The following PSMA7 variants were observed in gnomAD, a reference collection of about 807,000 sequenced individuals.
The protein encoded by PSMA7 is proteasome subunit alpha type-7.
A neutral mutation model predicts 31.3 loss-of-function variants in PSMA7; 5 were observed. The observed-to-expected ratio is 0.16, with a 90% CI of 0.08 to 0.34. The LOEUF (loss-of-function observed/expected upper bound fraction) is 0.34, where lower values mean the gene tolerates loss of function less well. PSMA7 is among the 10% of genes least tolerant of loss of function. PSMA7 has a pLI of 1.00. For missense variants in PSMA7, 217 were observed against 327.5 expected (o/e 0.66, Z 2.60); for synonymous variants, 155 against 121.9 (o/e 1.27, Z -1.79).
rs1405546959 is a variant in PSMA7, at chr20:62,137,331, C to T, written c.654+33G>A. The T allele has an allele frequency of 2.5e-6, 4 of 1,604,102 alleles. No homozygotes were observed. The South Asian group carries it at 4.4e-5, about 18-fold the overall frequency. On this transcript the variant is annotated intron_variant, in intron 6 of 6. Transcript: ENST00000370873. ...AGCCCTGATCATGGGAGAAAACTGA[C>T]AGGTAAAGAAAGCAGACAAACTTGG...
At position 62,139,810 on chromosome 20, in the gene PSMA7, T is replaced by G; in HGVS notation, c.319A>C (p.Ile107Leu). 6.2e-7 allele frequency: 1 copy of G among 1,614,146 alleles called. No individual in the cohort carries two copies. ...TTCAGACTGGCGATGTAGCGGGTGA[T>G]GTACTCCACAGTGACCGGGTCCTCC... is the stretch of plus-strand genomic sequence containing the variant. ...TVEDPVTVEYITRYIASLKQR... is the reference protein window; with the variant it reads ...TVEDPVTVEYLTRYIASLKQR... The change falls in exon 3 of 7, where the codon ATC becomes CTC. Residue 107 changes from isoleucine to leucine, a missense_variant. Coordinates refer to ENST00000370873, the MANE Select transcript of PSMA7 (RefSeq NM_002792.4).
chr20:62,142,987 G>A (rs892879605), intron 1 of PSMA7, among the ~76,000 whole-genome samples: 2 of 150,272 alleles, frequency 1.3e-5, no homozygotes, highest in Admixed American at 1.3e-4. Context: ...CGCTGAGTGG[G>A]GAGAACGAGC....
Position 62,140,955 on chromosome 20 carries a change from G to A in PSMA7, c.97-11C>T. 1 of 1,613,904 alleles carries A rather than the reference G, an allele frequency of 6.2e-7. No individual in the cohort carries two copies. Among genetic ancestry groups the A allele is most frequent in the Non-Finnish European group, 8.5e-7 (1 of 1,179,990 alleles). Reference sequence around the variant, plus strand: ...TCCTCGAACACCAACCTTTAATTAAGATCCACAAACCACGTAAGAAAGTGA... The same window carrying A: ...TCCTCGAACACCAACCTTTAATTAAAATCCACAAACCACGTAAGAAAGTGA... On this transcript the variant is annotated splice_polypyrimidine_tract_variant and intron_variant, in intron 1 of 6. Transcript: ENST00000370873.
At chr20:62,139,746 G>A in intron 3 of PSMA7, 35 bp downstream of exon 3, 1 of 1,613,806 alleles carries the variant, frequency 6.2e-7, no homozygotes, top group Non-Finnish European at 8.5e-7. Flanking sequence ...CTGCCCTGCT[G>A]CCAGAGGTGA....
In PSMA7 at chr20:62,143,355, C is replaced by G. The variant is rs1361146183; in HGVS notation, c.-52G>C. The G allele has an allele frequency of 1.7e-6, 2 of 1,153,900 alleles. No individual in the cohort carries two copies. The highest frequency in any genetic ancestry group is 1.1e-6 in the Non-Finnish European group (1 of 897,700). 71.5% of individuals were successfully genotyped at this position (1,153,900 alleles called of 1,614,324 possible). ...CCGCCGCGACTCTCAAAAGCGCACACTCACGGCCCGCGCGCACCCGCGACT... is the reference window on the plus strand; with the variant it reads ...CCGCCGCGACTCTCAAAAGCGCACAGTCACGGCCCGCGCGCACCCGCGACT... On this transcript the variant is annotated 5_prime_UTR_variant, in exon 1 of 7. Coordinates refer to ENST00000370873, the MANE Select transcript of PSMA7 (RefSeq NM_002792.4).
At chr20:62,143,032 C>A (rs1175978077) in intron 1 of PSMA7, among the ~76,000 whole-genome samples, 176 bp downstream of exon 1, 1 of 149,786 alleles carries the variant, frequency 6.7e-6, no homozygotes, top group African/African-American at 2.4e-5. Flanking sequence ...CCTCTGCAGG[C>A]ACTCGTGGAG....
intron 3 of PSMA7, 101 bp downstream of exon 3, chr20:62,139,676 AAATC>A (rs1330246499): frequency 6.4e-7 from 1 of 1,565,030 alleles, no homozygotes; most frequent in Non-Finnish European, 8.8e-7. Flanking sequence ...GCCCCAGAAT[AAATC>A]AGTTTTCTGA....
chr20:62,138,973 T>C, intron 4 of PSMA7, 102 bp downstream of exon 4: 2 of 1,432,568 alleles, frequency 1.4e-6, no homozygotes, highest in Non-Finnish European at 1.9e-6. Flanking sequence ...TTAAACTGAC[T>C]CATTCACTGA....
At chr20:62,138,549 GATT>G (rs1416298924) in intron 4 of PSMA7, among the ~76,000 whole-genome samples, 1 of 136,878 alleles carries the variant, frequency 7.3e-6, no homozygotes, top group African/African-American at 3.2e-5. Context: ...GGCAATGGGA[GATT>G]TTTTTTTTTT....
At chr20:62,139,248 G>A (rs929783233) in intron 3 of PSMA7, 51 bp from the exon 4 acceptor site, 1 of 1,595,200 alleles carries the variant, frequency 6.3e-7, no homozygotes, top group African/African-American at 1.3e-5. Context: ...AACTGCATGT[G>A]AGGAAAGAAC....
At chr20:62,137,711 C>T (rs909102839) in intron 5 of PSMA7, among the ~76,000 whole-genome samples, 8 of 152,194 alleles carry the variant, frequency 5.3e-5, no homozygotes, top group Admixed American at 1.3e-4. Context: ...ACCAGGAATC[C>T]TGATGCCTAC....
intron 6 of PSMA7, 51 bp downstream of exon 6, chr20:62,137,313 A>C (rs1414177815): frequency 3.2e-6 from 5 of 1,574,164 alleles, no homozygotes; most frequent in Non-Finnish European, 4.4e-6. Context: ...CTCAGCCCTG[A>C]TCATGGGAGA....
Position 62,143,254 on chromosome 20 carries a change from A to C in PSMA7, c.50T>G (p.Phe17Cys). 6.8e-7 allele frequency: 1 copy of C among 1,468,908 alleles called. No individual in the cohort carries two copies. The highest frequency in any genetic ancestry group is 3.1e-5 in the East Asian group (1 of 32,270). 91.0% of individuals were successfully genotyped at this position (1,468,908 alleles called of 1,614,324 possible). A position where few individuals can be genotyped will look rare whatever the true frequency, so the allele number is the denominator to read the frequency against. Residue 17 changes from phenylalanine (F) to cysteine (C), a missense_variant, in exon 1 of 7, where the codon TTC becomes TGC. Physicochemically the swap from Phe to Cys is radical, Grantham distance 205. Around this residue, in one of 3 missense-constraint regions of PSMA7, gnomAD observed 76 missense variants for 96.5 expected, o/e 0.79. Coordinates refer to ENST00000370873, the MANE Select transcript of PSMA7 (RefSeq NM_002792.4). ...GGCCTCCTGCGCGTACTCCACTTGGAAGAGGTGGCCGTCGGGCGAGAAGAC... is the reference window on the plus strand; with the variant it reads ...GGCCTCCTGCGCGTACTCCACTTGGCAGAGGTGGCCGTCGGGCGAGAAGAC... Reference protein sequence around the residue: ...ITVFSPDGHLFQVEYAQEAVK... With the variant: ...ITVFSPDGHLCQVEYAQEAVK...
chr20:62,142,405 T>C (rs918685372), intron 1 of PSMA7: 4 of 152,306 alleles, frequency 2.6e-5, no homozygotes, highest in Non-Finnish European at 4.4e-5. Context: ...GAACCGTGTG[T>C]GCTGCTTTCT....
At chr20:62,141,952 G>C (rs2056930961) in intron 1 of PSMA7, among the ~76,000 whole-genome samples, 2 of 152,234 alleles carry the variant, frequency 1.3e-5, no homozygotes, top group African/African-American at 2.4e-5. Flanking sequence ...TCAGCACTGT[G>C]AGCACCTGGG....
chr20:62,138,303 CG>C lies in PSMA7; in HGVS notation c.472-14del. On this transcript the variant is annotated splice_polypyrimidine_tract_variant and intron_variant, in intron 4 of 6. Coordinates refer to ENST00000370873, the MANE Select transcript of PSMA7 (RefSeq NM_002792.4). ...CTATGGCATTGGCCTAAAACAGACA[CG>C]TATGTTCTCACGTGGCATAGGGCAT... 1 of 1,593,452 alleles carries C rather than the reference CG, an allele frequency of 6.3e-7. No homozygotes were observed. Among genetic ancestry groups the C allele is most frequent in the South Asian group, 1.1e-5 (1 of 87,852 alleles).
chr20:62,138,256 C>G lies in PSMA7; in HGVS notation c.506G>C (p.Arg169Pro). ...NAIGRGAKSV[R>P]EFLEKNYTDE... ...AGTATAGTTCTTCTCCAGGAACTCG[C>G]GCACTGACTTGGCACCCCGACCTAT... Residue 169 changes from arginine to proline, a missense_variant, in exon 5 of 7, where the codon CGC becomes CCC. By Grantham distance (103) the Arg-to-Pro change is moderately radical (BLOSUM62 -2). Coordinates refer to ENST00000370873, the MANE Select transcript of PSMA7 (RefSeq NM_002792.4). 1 of 1,613,246 alleles carries G rather than the reference C, an allele frequency of 6.2e-7. No homozygotes were observed. Among genetic ancestry groups the G allele is most frequent in the Non-Finnish European group, 8.5e-7 (1 of 1,179,428 alleles).
Position 62,139,829 on chromosome 20 carries a change from G to A in PSMA7, c.300C>T (p.Asp100=). 1.9e-6 allele frequency: 3 copies of A among 1,614,090 alleles called. No homozygotes were observed. Among genetic ancestry groups the A allele is most frequent in the Non-Finnish European group, 2.5e-6 (3 of 1,180,034 alleles). ...ECQSHRLTVE[D]PVTVEYITRY... is the part of the protein sequence containing the mutation. Reference sequence around the variant, plus strand: ...GGGTGATGTACTCCACAGTGACCGGGTCCTCCACAGTCAGCCGGTGGCTCT... The same window carrying A: ...GGGTGATGTACTCCACAGTGACCGGATCCTCCACAGTCAGCCGGTGGCTCT... The change falls in exon 3 of 7, where the codon GAC becomes GAT. Residue 100 remains aspartate (D), a synonymous_variant. Coordinates refer to ENST00000370873, the MANE Select transcript of PSMA7 (RefSeq NM_002792.4).
At position 62,139,860 on chromosome 20, in the gene PSMA7, T is replaced by C. The variant is rs2056916755; in HGVS notation, c.269A>G (p.Glu90Gly). 6.2e-7 allele frequency: 1 copy of C among 1,613,912 alleles called. No individual in the cohort carries two copies. Among genetic ancestry groups the C allele is most frequent in the Non-Finnish European group, 8.5e-7 (1 of 1,180,030 alleles). ...ARIVINRARVECQSHRLTVED... is the reference protein window; with the variant it reads ...ARIVINRARVGCQSHRLTVED... ...CACAGTCAGCCGGTGGCTCTGGCAC[T>C]CCACCCGGGCCCTGTTGATGACTAT... Residue 90 changes from glutamate to glycine, a missense_variant, in exon 3 of 7, where the codon GAG (glutamate) becomes GGG (glycine). Physicochemically the swap from Glu to Gly is moderately conservative, Grantham distance 98. This residue lies in a region of PSMA7 where 53 missense variants were observed against 119.4 expected (regional missense o/e 0.44). Transcript: ENST00000370873.
Sources: allele counts gnomAD v4.1 joint callset (sites outside exome capture counted in the v4.1 genomes callset), GRCh38; gene constraint gnomAD v4.1.1; regional missense constraint gnomAD v4.1.1; transcripts MANE v1.5; gene names NCBI Gene and HGNC (gene_info 2026-07-23, HGNC 2026-07-21).